ASIC2: variants seen among roughly 807,000 people sequenced by gnomAD.
ASIC2 encodes acid sensing ion channel subunit 2.
A neutral mutation model predicts 57.3 loss-of-function variants in ASIC2; 25 were observed. The ratio of observed to expected loss-of-function variants is 0.44; its 90% CI spans 0.32 to 0.61. ASIC2 has a LOEUF of 0.61. Ranked by LOEUF, ASIC2 falls within the 20% of genes least tolerant of loss-of-function variation. ASIC2 has a pLI of 0.06. For missense variants in ASIC2, 641 were observed against 738.1 expected (o/e 0.87, Z 1.52); for synonymous variants, 319 against 307.5 (o/e 1.04, Z -0.39).
At chr17:33,200,879 G>A (rs186147967) in intron 1 of ASIC2, among the ~76,000 whole-genome samples, 334 of 152,156 alleles carry the variant, frequency 2.2e-3, no homozygotes, top group Non-Finnish European at 3.8e-3. Context: ...CCTACAGTCT[G>A]GCTCGTGCTA....
intron 1 of ASIC2, among the ~76,000 whole-genome samples, chr17:33,320,678 T>G (rs1423283048): frequency 6.6e-6 from 1 of 152,178 alleles, no homozygotes; most frequent in East Asian, 1.9e-4. Context: ...TATGTGGAAC[T>G]CTTAAGCCAT....
At chr17:33,989,252 C>T (rs1280183500) in intron 1 of ASIC2, among the ~76,000 whole-genome samples, 1 of 151,974 alleles carries the variant, frequency 6.6e-6, no homozygotes, top group Non-Finnish European at 1.5e-5. Context: ...GAAGAAAGCC[C>T]TTGGGGACAA....
intron 1 of ASIC2, among the ~76,000 whole-genome samples, chr17:33,631,591 T>G (rs1421245528): frequency 6.6e-6 from 1 of 152,134 alleles, no homozygotes; most frequent in Non-Finnish European, 1.5e-5. Context: ...AATGCGATTG[T>G]GCCCACAGGG....
At chr17:33,684,221 C>G (rs539738370) in intron 1 of ASIC2, among the ~76,000 whole-genome samples, 1 of 152,294 alleles carries the variant, frequency 6.6e-6, no homozygotes. Context: ...CAAAATGCTG[C>G]CTACATCTCC....
chr17:33,062,673 T>C (rs1291918662), intron 3 of ASIC2, among the ~76,000 whole-genome samples: 1 of 152,216 alleles, frequency 6.6e-6, no homozygotes, highest in Non-Finnish European at 1.5e-5. Flanking sequence ...AGATGTCTAT[T>C]AGGTCTGCTT....
chr17:33,643,918 T>C (rs17836896), intron 1 of ASIC2, among the ~76,000 whole-genome samples: 7,072 of 152,294 alleles, frequency 0.046, 195 homozygotes, highest in South Asian at 0.12. Context: ...GTACCCAACA[T>C]GACTTTAGCT....
chr17:34,094,112 T>C (rs1221778088), intron 1 of ASIC2, among the ~76,000 whole-genome samples: 1 of 152,118 alleles, frequency 6.6e-6, no homozygotes, highest in Non-Finnish European at 1.5e-5. Flanking sequence ...AGAAACATTC[T>C]GGTGATTGCG....
chr17:33,227,471 T>G (rs1261049634), intron 1 of ASIC2, among the ~76,000 whole-genome samples: 21 of 152,062 alleles, frequency 1.4e-4, no homozygotes. Flanking sequence ...AGTGTGACAG[T>G]GAGACCCAGT....
intron 1 of ASIC2, among the ~76,000 whole-genome samples, chr17:34,135,992 T>C (rs1345320431): frequency 6.6e-6 from 1 of 152,122 alleles, no homozygotes; most frequent in African/African-American, 2.4e-5. Flanking sequence ...AATGGAGCCC[T>C]CTTGGCCAAG....
intron 1 of ASIC2, among the ~76,000 whole-genome samples, chr17:33,603,878 A>G (rs1860479819): frequency 6.6e-6 from 1 of 152,204 alleles, no homozygotes; most frequent in Non-Finnish European, 1.5e-5. Context: ...GTCTGCCAAA[A>G]TCAGGTGGTT....
chr17:33,053,380 A>G (rs1308665364), intron 3 of ASIC2, among the ~76,000 whole-genome samples: 1 of 152,178 alleles, frequency 6.6e-6, no homozygotes. Context: ...TTAGACCTGA[A>G]AAATTATTCT....
At chr17:33,632,600 T>C (rs1906210147) in intron 1 of ASIC2, among the ~76,000 whole-genome samples, 1 of 152,102 alleles carries the variant, frequency 6.6e-6, no homozygotes, top group Admixed American at 6.6e-5. Flanking sequence ...TTTTTATTTA[T>C]TTATTTACTT....
intron 1 of ASIC2, among the ~76,000 whole-genome samples, chr17:34,131,072 T>G (rs943353936): frequency 1.3e-5 from 2 of 152,046 alleles, no homozygotes; most frequent in Admixed American, 6.5e-5. Context: ...ATTCTGAGAA[T>G]GAATAGTAGG....
At chr17:33,399,657 G>T (rs1320001263) in intron 1 of ASIC2, among the ~76,000 whole-genome samples, 1 of 152,164 alleles carries the variant, frequency 6.6e-6, no homozygotes, top group Non-Finnish European at 1.5e-5. Flanking sequence ...TCACAGTTTT[G>T]TGATGCCCCT....
intron 1 of ASIC2, chr17:34,155,848 TG>T: frequency 9.7e-7 from 1 of 1,031,528 alleles, no homozygotes; most frequent in Non-Finnish European, 1.4e-6. Context: ...ACTACCCTCG[TG>T]GCCTTCAGGT....
intron 1 of ASIC2, among the ~76,000 whole-genome samples, chr17:33,244,539 G>T (rs543891221): frequency 6.6e-6 from 1 of 152,152 alleles, no homozygotes; most frequent in South Asian, 2.1e-4. Flanking sequence ...AAATGTTTAC[G>T]CAGACACAAA....
At chr17:34,028,924 C>T (rs1907478879) in intron 1 of ASIC2, among the ~76,000 whole-genome samples, 1 of 152,218 alleles carries the variant, frequency 6.6e-6, no homozygotes, top group African/African-American at 2.4e-5. Context: ...TTGAACATAT[C>T]TGGGTCTCTC....
At chr17:34,098,908 C>T (rs1910642709) in intron 1 of ASIC2, among the ~76,000 whole-genome samples, 1 of 151,900 alleles carries the variant, frequency 6.6e-6, no homozygotes, top group African/African-American at 2.4e-5. Flanking sequence ...GATTTCCATA[C>T]CGTGTGATGC....
chr17:33,589,368 A>G (rs1261557557), intron 1 of ASIC2, among the ~76,000 whole-genome samples: 2 of 152,242 alleles, frequency 1.3e-5, no homozygotes, highest in Non-Finnish European at 2.9e-5. Context: ...TAAAATAAAC[A>G]TAACAAAGTT....
Sources: gnomAD v4.1 joint callset for allele counts (sites outside exome capture counted in the v4.1 genomes callset) on GRCh38, gnomAD v4.1.1 for gene constraint, MANE v1.5 for transcripts, NCBI Gene and HGNC (gene_info 2026-07-23, HGNC 2026-07-21) for gene names.